The following AGBL4 variants were observed in gnomAD, a reference collection of about 807,000 sequenced individuals.
AGBL4 encodes the protein cytosolic carboxypeptidase 6.
In AGBL4, 58 loss-of-function variants were observed where a neutral mutation model predicts 66.4. That is an observed-to-expected ratio of 0.87 (90% CI 0.71 to 1.09). AGBL4 has a LOEUF of 1.09. Ranked by LOEUF, AGBL4 falls within the 50% of genes least tolerant of loss-of-function variation. The pLI, the probability that AGBL4 is intolerant of heterozygous loss-of-function variation, is 0.00. For synonymous variants in AGBL4, 234 were observed against 222.9 expected, an observed-to-expected ratio of 1.05 and a Z score of -0.44; for missense variants, 579 against 631.0, an observed-to-expected ratio of 0.92 and a Z score of 0.88.
chr1:49,283,003 C>G (rs934807002), intron 3 of AGBL4, among the ~76,000 whole-genome samples: 1 of 152,264 alleles, frequency 6.6e-6, no homozygotes, highest in Non-Finnish European at 1.5e-5. Flanking sequence ...GAAGCTGGAA[C>G]TGGGTGGTGC....
chr1:48,974,721 AGGT>A (rs1347825072), intron 5 of AGBL4, among the ~76,000 whole-genome samples: 1 of 152,168 alleles, frequency 6.6e-6, no homozygotes, highest in Non-Finnish European at 1.5e-5. Flanking sequence ...AAATTTAAAT[AGGT>A]GGTGACTCTA....
At chr1:49,052,167 A>T (rs897916933) in intron 4 of AGBL4, among the ~76,000 whole-genome samples, 27 of 151,990 alleles carry the variant, frequency 1.8e-4, no homozygotes, top group Non-Finnish European at 7.4e-5. Context: ...CCAAGCCATT[A>T]AAAAAATTAA....
chr1:49,394,427 C>T (rs1644912554), intron 3 of AGBL4, among the ~76,000 whole-genome samples: 1 of 151,974 alleles, frequency 6.6e-6, no homozygotes, highest in South Asian at 2.1e-4. Flanking sequence ...CCTGCTTTAC[C>T]CACTGGGCCT....
intron 4 of AGBL4, among the ~76,000 whole-genome samples, chr1:49,242,849 T>C (rs950011271): frequency 4.0e-5 from 6 of 151,800 alleles, no homozygotes; most frequent in African/African-American, 1.4e-4. Context: ...CATATTTACA[T>C]AATGGTTTTC....
intron 3 of AGBL4, among the ~76,000 whole-genome samples, chr1:49,272,404 G>C (rs535914078): frequency 6.6e-6 from 1 of 152,148 alleles, no homozygotes; most frequent in East Asian, 1.9e-4. Context: ...AAAAAACAAA[G>C]ACTAAATTAA....
At position 48,682,092 on chromosome 1, in the gene AGBL4, G is replaced by A. The variant is rs111981499; in HGVS notation, c.635-18851C>T. Among the ~76,000 whole-genome samples, 832 of 152,344 alleles carry A rather than the reference G, an allele frequency of 5.5e-3. 5 individuals are homozygous for A. The highest frequency in any genetic ancestry group is 0.019 in the African/African-American group (796 of 41,576). ...TAGGACACAGACTTGTGTGAGCACA[G>A]AGGAGTGGCCATGTGAGGACAGGGG... On this transcript the variant is annotated intron_variant, in intron 6 of 13. Transcript: ENST00000371839.
chr1:49,527,891 T>TA (rs1250085173), intron 3 of AGBL4, among the ~76,000 whole-genome samples: 1 of 152,130 alleles, frequency 6.6e-6, no homozygotes, highest in Admixed American at 6.5e-5. Context: ...TATCAAAAGT[T>TA]AGACTCCTCC....
intron 6 of AGBL4, among the ~76,000 whole-genome samples, chr1:48,734,543 GAC>G (rs1648703878): frequency 6.6e-6 from 1 of 152,116 alleles, no homozygotes; most frequent in African/African-American, 2.4e-5. Flanking sequence ...AGCCCTACAA[GAC>G]AGGCTCTCGC....
chr1:48,650,458 C>T (rs967745689), intron 8 of AGBL4, among the ~76,000 whole-genome samples: 1 of 148,860 alleles, frequency 6.7e-6, no homozygotes, highest in Admixed American at 6.8e-5. Context: ...TCCTTCCTTC[C>T]TTCCTTCCTT....
At chr1:49,500,618 C>T (rs970122874) in intron 3 of AGBL4, among the ~76,000 whole-genome samples, 1 of 151,950 alleles carries the variant, frequency 6.6e-6, no homozygotes, top group South Asian at 2.1e-4. Context: ...TATCCTAGAA[C>T]CCTTTGTTGA....
intron 4 of AGBL4, among the ~76,000 whole-genome samples, chr1:49,205,582 GAC>G (rs1648069485): frequency 6.6e-6 from 1 of 152,032 alleles, no homozygotes; most frequent in African/African-American, 2.4e-5. Context: ...AAGAGCATTA[GAC>G]CAGGAGTCAA....
intron 7 of AGBL4, among the ~76,000 whole-genome samples, chr1:48,662,510 C>A (rs1360276006): frequency 6.6e-6 from 1 of 152,200 alleles, no homozygotes; most frequent in African/African-American, 2.4e-5. Flanking sequence ...CTTAACTTCT[C>A]TAAACTTCAG....
chr1:48,893,705 A>AATAAATAAATAAAT (rs1553120621), intron 5 of AGBL4, among the ~76,000 whole-genome samples: 71,979 of 148,120 alleles, frequency 0.49, 20,809 homozygotes, highest in Non-Finnish European at 0.66. Flanking sequence ...TAAATAAATA[A>AATAAATAAATAAAT]AAAGATAAAA....
intron 7 of AGBL4, among the ~76,000 whole-genome samples, chr1:48,661,661 C>T (rs746116882): frequency 2.0e-5 from 3 of 152,256 alleles, no homozygotes; most frequent in Non-Finnish European, 2.9e-5. Context: ...CAATTCCTCT[C>T]TGCCTCAGTC....
chr1:48,675,268 C>T (rs2148472391), intron 6 of AGBL4, among the ~76,000 whole-genome samples: 1 of 152,310 alleles, frequency 6.6e-6, no homozygotes, highest in South Asian at 2.1e-4. Flanking sequence ...CCAATCTCTT[C>T]CCTCTCTCCC....
chr1:48,622,426 C>T (rs895604119), intron 9 of AGBL4, among the ~76,000 whole-genome samples: 1 of 151,516 alleles, frequency 6.6e-6, no homozygotes, highest in Non-Finnish European at 1.5e-5. Flanking sequence ...GAACTCCAGA[C>T]CAGAAGTTTG....
intron 1 of AGBL4, among the ~76,000 whole-genome samples, chr1:49,944,244 A>G (rs1385589734): frequency 1.3e-5 from 2 of 152,086 alleles, no homozygotes; most frequent in Non-Finnish European, 1.5e-5. Flanking sequence ...GAGGCCAACC[A>G]GCATAGAAAT....
chr1:49,235,166 A>C (rs1650621836), intron 4 of AGBL4, among the ~76,000 whole-genome samples: 1 of 152,178 alleles, frequency 6.6e-6, no homozygotes, highest in African/African-American at 2.4e-5. Context: ...TGGGGTGGCT[A>C]ATCAGTAAGG....
At chr1:48,711,664 A>G (rs552583366) in intron 6 of AGBL4, among the ~76,000 whole-genome samples, 19 of 151,270 alleles carry the variant, frequency 1.3e-4, no homozygotes, top group African/African-American at 4.6e-4. Flanking sequence ...CAGCCCACCG[A>G]GCTCCAAAGC....
Sources: gnomAD v4.1 joint callset for allele counts (sites outside exome capture counted in the v4.1 genomes callset) on GRCh38, gnomAD v4.1.1 for gene constraint, MANE v1.5 for transcripts, NCBI Gene and HGNC (gene_info 2026-07-23, HGNC 2026-07-21) for gene names.